WWOX: variants seen among roughly 807,000 people sequenced by gnomAD.
WWOX encodes the protein WW domain containing oxidoreductase.
In WWOX, 69 loss-of-function variants were observed where a neutral mutation model predicts 46.2. The ratio of observed to expected loss-of-function variants is 1.49; its 90% CI spans 1.23 to 1.82. The LOEUF (loss-of-function observed/expected upper bound fraction) is 1.82, where lower values mean the gene tolerates loss of function less well. Ranked by LOEUF, WWOX falls within the 40% of genes most tolerant of loss-of-function variation. The pLI is 0.00. For synonymous variants in WWOX, 359 were observed against 202.6 expected, an observed-to-expected ratio of 1.77 and a Z score of -6.56; for missense variants, 919 against 542.6, an observed-to-expected ratio of 1.69 and a Z score of -6.89.
intron 8 of WWOX, among the ~76,000 whole-genome samples, chr16:78,544,557 A>G (rs2043976796): frequency 6.6e-6 from 1 of 152,296 alleles, no homozygotes; most frequent in Non-Finnish European, 1.5e-5. Context: ...TTTTTAACTC[A>G]TTGCAATGCA....
At chr16:78,113,666 A>G (rs909181150) in intron 3 of WWOX, among the ~76,000 whole-genome samples, 1 of 152,212 alleles carries the variant, frequency 6.6e-6, no homozygotes, top group Non-Finnish European at 1.5e-5. Flanking sequence ...TCCACAGTAT[A>G]AATACTTTGG....
intron 8 of WWOX, among the ~76,000 whole-genome samples, chr16:78,571,760 C>T (rs752179045): frequency 3.3e-5 from 5 of 152,036 alleles, no homozygotes; most frequent in Non-Finnish European, 7.4e-5. Flanking sequence ...CCCAGCTACT[C>T]GGGAGGGTGA....
At chr16:78,325,738 A>G (rs2080596623) in intron 5 of WWOX, among the ~76,000 whole-genome samples, 1 of 152,186 alleles carries the variant, frequency 6.6e-6, no homozygotes, top group Non-Finnish European at 1.5e-5. Flanking sequence ...AACCTGAGTG[A>G]CTGCTGATAT....
chr16:78,593,976 C>T (rs1258940479), intron 8 of WWOX, among the ~76,000 whole-genome samples: 1 of 152,200 alleles, frequency 6.6e-6, no homozygotes, highest in Non-Finnish European at 1.5e-5. Context: ...TTATATCCAA[C>T]TTGTGTAATT....
chr16:78,934,206 C>T (rs367749034), intron 8 of WWOX, among the ~76,000 whole-genome samples: 1 of 151,632 alleles, frequency 6.6e-6, no homozygotes, highest in East Asian at 1.9e-4. Flanking sequence ...GACATGGTGG[C>T]ACATCCCTGT....
chr16:78,777,484 A>C (rs2050219996), intron 8 of WWOX, among the ~76,000 whole-genome samples: 1 of 152,138 alleles, frequency 6.6e-6, no homozygotes, highest in Non-Finnish European at 1.5e-5. Flanking sequence ...GACATTGCAA[A>C]TACAGACGTA....
chr16:78,469,140 G>C (rs1417678176), intron 8 of WWOX, among the ~76,000 whole-genome samples: 6 of 152,140 alleles, frequency 3.9e-5, no homozygotes, highest in African/African-American at 1.4e-4. Context: ...TGATACCTCA[G>C]GTTTGAAGTT....
At chr16:78,865,188 A>G (rs1302625836) in intron 8 of WWOX, among the ~76,000 whole-genome samples, 3 of 152,156 alleles carry the variant, frequency 2.0e-5, no homozygotes, top group Non-Finnish European at 2.9e-5. Flanking sequence ...TGTTTGTGCG[A>G]TGGATATGTT....
intron 8 of WWOX, among the ~76,000 whole-genome samples, chr16:78,959,310 G>C (rs998586663): frequency 7.9e-5 from 12 of 152,186 alleles, no homozygotes; most frequent in Admixed American, 7.9e-4. Context: ...TTTTTTACCT[G>C]TTGCTATATC....
intron 8 of WWOX, among the ~76,000 whole-genome samples, chr16:78,819,401 T>G (rs1259832158): frequency 1.3e-5 from 2 of 152,218 alleles, no homozygotes; most frequent in Non-Finnish European, 2.9e-5. Flanking sequence ...GTTTACAATT[T>G]CCATGGCAAC....
rs942165689 is a variant in WWOX at position 79,075,782 on chromosome 16, CAA to C, written c.1057-135825_1057-135824del. 3.9e-5 allele frequency among the ~76,000 whole-genome samples: 6 copies of C among 152,202 alleles called. No individual in the cohort carries two copies. In the South Asian group the frequency reaches 8.3e-4, roughly 21 times the overall value. On this transcript the variant is annotated intron_variant, in intron 8 of 8. Transcript: ENST00000566780. Reference sequence around the variant, plus strand: ...GATTTTTCAAGTAAGGTAATGGAAGCAAGAGAGGTTTACATACATGGTGTACA... The same window carrying C: ...GATTTTTCAAGTAAGGTAATGGAAGCGAGAGGTTTACATACATGGTGTACA...
intron 5 of WWOX, among the ~76,000 whole-genome samples, chr16:78,386,636 A>G (rs907458923): frequency 1.8e-5 from 1 of 54,876 alleles, no homozygotes; most frequent in African/African-American, 6.6e-5. Flanking sequence ...CCCCCGCCCC[A>G]CCCCCCAGCC....
chr16:78,954,868 C>G (rs2046133133), intron 8 of WWOX, among the ~76,000 whole-genome samples: 2 of 152,074 alleles, frequency 1.3e-5, no homozygotes, highest in African/African-American at 4.8e-5. Flanking sequence ...TAGCTCACTC[C>G]AGTCTTGAGC....
intron 5 of WWOX, among the ~76,000 whole-genome samples, chr16:78,330,431 T>C (rs1046278222): frequency 9.2e-5 from 14 of 151,978 alleles, no homozygotes; most frequent in Non-Finnish European, 1.6e-4. Context: ...AAAGTCTTGC[T>C]CTGTTGCCAG....
At chr16:79,140,352 G>C (rs951064121) in intron 8 of WWOX, among the ~76,000 whole-genome samples, 2 of 152,200 alleles carry the variant, frequency 1.3e-5, no homozygotes, top group East Asian at 1.9e-4. Context: ...TACAGAGGGA[G>C]TTAGAATTGA....
intron 5 of WWOX, among the ~76,000 whole-genome samples, chr16:78,226,120 C>G (rs1452213878): frequency 6.6e-6 from 1 of 152,112 alleles, no homozygotes; most frequent in Non-Finnish European, 1.5e-5. Flanking sequence ...TCTGAGTATC[C>G]TCGAGAAATG....
chr16:78,593,295 C>T (rs943750257), intron 8 of WWOX, among the ~76,000 whole-genome samples: 35 of 152,114 alleles, frequency 2.3e-4, no homozygotes, highest in Admixed American at 3.3e-4. Flanking sequence ...GCCACCTCGG[C>T]CTCCCAAAGT....
chr16:78,644,836 G>C (rs79158182), intron 8 of WWOX, among the ~76,000 whole-genome samples: 1 of 152,124 alleles, frequency 6.6e-6, no homozygotes, highest in South Asian at 2.1e-4. Context: ...TACACTAGTA[G>C]GTACAGCAGG....
chr16:78,166,757 C>T (rs1161194750), intron 5 of WWOX: 1 of 152,074 alleles, frequency 6.6e-6, no homozygotes, highest in East Asian at 1.9e-4. Flanking sequence ...CGGAGTTTCA[C>T]CATGTTGGCC....
Sources: allele counts gnomAD v4.1 joint callset (sites outside exome capture counted in the v4.1 genomes callset), GRCh38; gene constraint gnomAD v4.1.1; transcripts MANE v1.5; gene names NCBI Gene and HGNC (gene_info 2026-07-23, HGNC 2026-07-21).